PARVB: variants seen among roughly 807,000 people sequenced by gnomAD.
PARVB encodes parvin beta, also known as beta-parvin.
Under a neutral mutation model 47.0 loss-of-function variants are expected in PARVB, and 46 were observed. The ratio of observed to expected loss-of-function variants is 0.98; its 90% CI spans 0.77 to 1.25. PARVB has a LOEUF of 1.25. Ranked by LOEUF, PARVB falls within the 50% of genes most tolerant of loss-of-function variation. The pLI, the probability that PARVB is intolerant of heterozygous loss-of-function variation, is 0.00. For synonymous variants in PARVB, 196 were observed against 196.3 expected (o/e 1.00, Z 0.01); for missense variants, 473 against 471.6 (o/e 1.00, Z -0.03).
At chr22:44,033,057 C>G (rs2050852656) in intron 1 of PARVB, among the ~76,000 whole-genome samples, 1 of 152,174 alleles carries the variant, frequency 6.6e-6, no homozygotes, top group African/African-American at 2.4e-5. Flanking sequence ...TAACTCTTCC[C>G]CTAGCTGTCT....
chr22:44,002,230 G>T (rs987361749), intron 2 of PARVB, among the ~76,000 whole-genome samples: 2 of 152,198 alleles, frequency 1.3e-5, no homozygotes, highest in African/African-American at 4.8e-5. Context: ...TCTCCAGGGG[G>T]CCGTGGACCA....
rs2051594931 is a variant in PARVB, at chr22:44,069,063, G to T, written c.113-24865G>T. ...AAGTGCAAGTCATAGTGGCGCCCCT[G>T]CCACGTCCCTATATGAACGGGGTGT... is the stretch of plus-strand genomic sequence containing the variant. On this transcript the variant is annotated intron_variant, in intron 1 of 12. Coordinates refer to ENST00000338758, the MANE Select transcript of PARVB (RefSeq NM_013327.5). 2.5e-6 allele frequency: 4 copies of T among 1,572,032 alleles called. No individual in the cohort carries two copies. In the African/African-American group the frequency reaches 4.1e-5, roughly 16 times the overall value.
At chr22:44,012,721 A>G (rs1258123467) in intron 2 of PARVB, among the ~76,000 whole-genome samples, 1 of 144,826 alleles carries the variant, frequency 6.9e-6, no homozygotes, top group Non-Finnish European at 1.5e-5. Flanking sequence ...TCTGAAAATG[A>G]ACAACACAAG....
Position 44,030,718 on chromosome 22 carries a change from T to C in PARVB, c.112+6267T>C, listed in dbSNP as rs374505776. Among the ~76,000 whole-genome samples the C allele has an allele frequency of 3.7e-4, 56 of 151,986 alleles. No individual in the cohort carries two copies. The East Asian group carries it at 7.0e-3, about 19-fold the overall frequency. On this transcript the variant is annotated intron_variant, in intron 1 of 12. Transcript: ENST00000338758. ...TAGCGGGCTGCAGCCCCTCTGATGC[T>C]GAAATGAAAAAGGACCCAGATCCTT...
At chr22:44,006,007 T>A (rs1261694288) in intron 2 of PARVB, among the ~76,000 whole-genome samples, 1 of 152,222 alleles carries the variant, frequency 6.6e-6, no homozygotes, top group African/African-American at 2.4e-5. Flanking sequence ...GTAACAGCGC[T>A]ATCATAGCTC....
intron 1 of PARVB, among the ~76,000 whole-genome samples, chr22:44,057,079 TTCTC>T (rs886399379): frequency 1.3e-5 from 2 of 151,280 alleles, no homozygotes; most frequent in African/African-American, 2.4e-5. Flanking sequence ...AAGTTTCTCT[TTCTC>T]TCTCTCTCTT....
chr22:44,023,986 C>T (rs898220139), upstream of PARVB, among the ~76,000 whole-genome samples: 5 of 152,252 alleles, frequency 3.3e-5, no homozygotes, highest in African/African-American at 1.2e-4. Flanking sequence ...GCTTTCAGGA[C>T]GTCCTGAGGC....
chr22:44,132,162 C>T (rs2053341685), intron 5 of PARVB, among the ~76,000 whole-genome samples: 1 of 152,178 alleles, frequency 6.6e-6, no homozygotes, highest in Non-Finnish European at 1.5e-5. Flanking sequence ...GGTGTGGCTT[C>T]AGGGCTCTCT....
intron 2 of PARVB, among the ~76,000 whole-genome samples, chr22:44,016,489 C>T (rs977304671): frequency 1.3e-5 from 2 of 152,128 alleles, no homozygotes; most frequent in African/African-American, 2.4e-5. Context: ...CAATGAATCT[C>T]GGGTATCACC....
At chr22:44,101,407 C>CAAA (rs34166269) in intron 3 of PARVB, among the ~76,000 whole-genome samples, 69 of 128,734 alleles carry the variant, frequency 5.4e-4, no homozygotes, top group African/African-American at 2.6e-3. Flanking sequence ...GGCTCCGTCT[C>CAAA]AAAAAAAAAT....
intron 9 of PARVB, chr22:44,149,054 G>A (rs1317961193): frequency 6.6e-6 from 1 of 152,154 alleles, no homozygotes; most frequent in Non-Finnish European, 1.5e-5. Context: ...CTTATCAGCT[G>A]TGTGACTTCT....
At chr22:44,066,811 C>T (rs1010294608) in intron 1 of PARVB, among the ~76,000 whole-genome samples, 67 of 149,294 alleles carry the variant, frequency 4.5e-4, no homozygotes, top group Non-Finnish European at 2.8e-4. Flanking sequence ...CCTCCTCCTC[C>T]TCCTCCTCCT....
chr22:44,102,020 T>A (rs1313481722), intron 3 of PARVB, among the ~76,000 whole-genome samples: 1 of 151,512 alleles, frequency 6.6e-6, no homozygotes, highest in Non-Finnish European at 1.5e-5. Context: ...TAGAGAGAGG[T>A]TTATTATGAT....
At chr22:44,140,769 T>C in intron 8 of PARVB, 1 of 335,484 alleles carries the variant, frequency 3.0e-6, no homozygotes, top group South Asian at 2.3e-5. Flanking sequence ...GACAGCCCTC[T>C]ATGTGGGCTG....
intron 1 of PARVB, 56 bp from the exon 2 acceptor site, chr22:44,093,872 G>A (rs2052230838): frequency 9.1e-7 from 1 of 1,103,610 alleles, no homozygotes; most frequent in African/African-American, 1.6e-5. Flanking sequence ...GCCAACATGT[G>A]AGGCCACGGC....
intron 10 of PARVB, chr22:44,152,461 T>G (rs2053831248): frequency 6.6e-6 from 1 of 152,138 alleles, no homozygotes; most frequent in Non-Finnish European, 1.5e-5. Flanking sequence ...CTGAGTGGTG[T>G]TATTCAACCC....
chr22:44,039,322 G>A (rs1439614066), intron 1 of PARVB, among the ~76,000 whole-genome samples: 4 of 151,968 alleles, frequency 2.6e-5, no homozygotes, highest in African/African-American at 7.3e-5. Flanking sequence ...AGGCTGAGGC[G>A]GACAGATCAC....
intron 1 of PARVB, among the ~76,000 whole-genome samples, chr22:44,063,964 G>A (rs1028016411): frequency 3.3e-5 from 5 of 152,322 alleles, no homozygotes; most frequent in Middle Eastern, 3.4e-3. Flanking sequence ...GATGGGGTGC[G>A]GTGCGGCCTT....
At chr22:44,134,544 A>G (rs993218739) in intron 6 of PARVB, among the ~76,000 whole-genome samples, 2 of 152,256 alleles carry the variant, frequency 1.3e-5, no homozygotes, top group African/African-American at 2.4e-5. Context: ...GCTTCCTGCC[A>G]TAACGGGTTA....
Sources: allele counts gnomAD v4.1 joint callset (sites outside exome capture counted in the v4.1 genomes callset), GRCh38; gene constraint gnomAD v4.1.1; transcripts MANE v1.5; gene names NCBI Gene and HGNC (gene_info 2026-07-23, HGNC 2026-07-21).